The following SNX24 variants were observed in gnomAD, a reference collection of about 807,000 sequenced individuals.
The protein encoded by SNX24 is sorting nexin-24.
In SNX24, 22 loss-of-function variants were observed where a neutral mutation model predicts 28.7. That is an observed-to-expected ratio of 0.77 (90% CI 0.55 to 1.10). SNX24 has a LOEUF of 1.10. Among genes scored for constraint, SNX24 ranks in the 50% least tolerant of loss-of-function variants. The pLI is 0.00. For missense variants in SNX24, 221 were observed against 201.1 expected (o/e 1.10, Z -0.60); for synonymous variants, 69 against 71.5 (o/e 0.96, Z 0.18).
intron 3 of SNX24, among the ~76,000 whole-genome samples, chr5:122,991,363 A>AC (rs1761841632): frequency 6.6e-6 from 1 of 152,184 alleles, no homozygotes; most frequent in Non-Finnish European, 1.5e-5. Flanking sequence ...AAGTAATTGT[A>AC]CCCAGTTATT....
chr5:122,904,753 A>G (rs1244422073), intron 1 of SNX24, among the ~76,000 whole-genome samples: 1 of 152,204 alleles, frequency 6.6e-6, no homozygotes, highest in Non-Finnish European at 1.5e-5. Context: ...CATGTCAACT[A>G]AGAAAGCTAA....
chr5:122,905,064 A>G (rs1481097884), intron 1 of SNX24, among the ~76,000 whole-genome samples: 1 of 152,226 alleles, frequency 6.6e-6, no homozygotes, highest in Non-Finnish European at 1.5e-5. Context: ...TAATGTCCTC[A>G]GTGAAAGTAT....
At chr5:122,861,288 C>T (rs940759371) in intron 1 of SNX24, among the ~76,000 whole-genome samples, 1 of 152,078 alleles carries the variant, frequency 6.6e-6, no homozygotes, top group African/African-American at 2.4e-5. Context: ...GGCAGTGAGC[C>T]GAGATCCTGC....
intron 1 of SNX24, among the ~76,000 whole-genome samples, chr5:122,911,947 A>G (rs1156579708): frequency 1.4e-5 from 2 of 145,982 alleles, no homozygotes; most frequent in South Asian, 4.5e-4. Context: ...TGACTTGGCG[A>G]TGCGGGCTCT....
chr5:122,945,488 T>G (rs2150124837), intron 2 of SNX24, among the ~76,000 whole-genome samples: 1 of 152,374 alleles, frequency 6.6e-6, no homozygotes, highest in South Asian at 2.1e-4. Flanking sequence ...AAGGCTTAGC[T>G]GAGAACTATC....
At chr5:122,853,532 AGAG>A (rs1283399977) in intron 1 of SNX24, 2 of 252,936 alleles carry the variant, frequency 7.9e-6, no homozygotes, top group South Asian at 4.0e-5. Flanking sequence ...AATAGGCACA[AGAG>A]GATTGAATTT....
downstream of SNX24, chr5:123,009,266 C>T: frequency 2.4e-6 from 2 of 833,014 alleles, no homozygotes; most frequent in Non-Finnish European, 2.9e-6. Flanking sequence ...TGTCTGTTTA[C>T]ACACACACAC....
chr5:122,870,053 G>A (rs1300546307), intron 1 of SNX24, among the ~76,000 whole-genome samples: 3 of 152,172 alleles, frequency 2.0e-5, no homozygotes, highest in African/African-American at 7.2e-5. Context: ...TTTGGAGAAT[G>A]TCTTCACCCT....
At chr5:122,925,780 C>T (rs1758668917) in intron 1 of SNX24, among the ~76,000 whole-genome samples, 1 of 152,186 alleles carries the variant, frequency 6.6e-6, no homozygotes, top group Admixed American at 6.5e-5. Context: ...AATTTGTTGT[C>T]CAGCTGTCAA....
chr5:123,010,991 G>C (rs922101275), downstream of SNX24, among the ~76,000 whole-genome samples: 1 of 151,434 alleles, frequency 6.6e-6, no homozygotes. Context: ...TTTACTTTTC[G>C]ATTTCACTAG....
chr5:122,914,443 A>G (rs1175854506), intron 1 of SNX24, among the ~76,000 whole-genome samples: 5 of 151,392 alleles, frequency 3.3e-5, no homozygotes, highest in Non-Finnish European at 5.9e-5. Flanking sequence ...CTCTTTTTCT[A>G]TTGATTGGAA....
Position 122,889,673 on chromosome 5 carries a change from A to ATG in SNX24, c.60+43984_60+43985dup, listed in dbSNP as rs565532075. ...TATGTATATATATGTGTATATATAT[A>ATG]TGTGTATATATATGTATATGTATGT... On this transcript the variant is annotated intron_variant, in intron 1 of 6. Coordinates refer to ENST00000261369, the MANE Select transcript of SNX24 (RefSeq NM_014035.4). Among the ~76,000 whole-genome samples the ATG allele has an allele frequency of 8.6e-3, 1,261 of 146,788 alleles. 18 individuals carry two copies. Among genetic ancestry groups the ATG allele is most frequent in the African/African-American group, 0.029 (1,153 of 40,152 alleles).
intron 1 of SNX24, among the ~76,000 whole-genome samples, chr5:122,934,697 C>A (rs886577897): frequency 6.6e-6 from 1 of 152,148 alleles, no homozygotes; most frequent in Non-Finnish European, 1.5e-5. Context: ...TTCACTTTGT[C>A]ATGAAAATCC....
chr5:122,961,269 A>G (rs1030398025), intron 3 of SNX24, among the ~76,000 whole-genome samples: 4 of 152,212 alleles, frequency 2.6e-5, no homozygotes, highest in African/African-American at 9.6e-5. Context: ...TTTTAGATTA[A>G]GAAGTGATTT....
At chr5:122,971,780 T>G (rs1361148502) in intron 3 of SNX24, among the ~76,000 whole-genome samples, 1 of 152,228 alleles carries the variant, frequency 6.6e-6, no homozygotes, top group African/African-American at 2.4e-5. Context: ...TTCATGCAAC[T>G]GGTCATGTGA....
chr5:122,943,375 C>T (rs1366736884), intron 2 of SNX24, among the ~76,000 whole-genome samples: 1 of 152,134 alleles, frequency 6.6e-6, no homozygotes, highest in Non-Finnish European at 1.5e-5. Flanking sequence ...TCCCCACTGC[C>T]CTTCTCTCTG....
At chr5:122,869,082 G>T (rs979535571) in intron 1 of SNX24, among the ~76,000 whole-genome samples, 5 of 152,194 alleles carry the variant, frequency 3.3e-5, no homozygotes, top group African/African-American at 1.2e-4. Flanking sequence ...TTTTTAAAAT[G>T]TGAATATAGT....
At chr5:122,884,157 G>C (rs1201315373) in intron 1 of SNX24, among the ~76,000 whole-genome samples, 1 of 151,034 alleles carries the variant, frequency 6.6e-6, no homozygotes. Flanking sequence ...TTTTCCTTTG[G>C]TTCCTGTAGG....
At chr5:122,925,289 G>C (rs1041911870) in intron 1 of SNX24, among the ~76,000 whole-genome samples, 4 of 135,594 alleles carry the variant, frequency 2.9e-5, no homozygotes, top group African/African-American at 1.1e-4. Context: ...TTCCTTCTGA[G>C]TGAACTGGCA....
Sources: gnomAD v4.1 joint callset for allele counts (sites outside exome capture counted in the v4.1 genomes callset) on GRCh38, gnomAD v4.1.1 for gene constraint, MANE v1.5 for transcripts, NCBI Gene and HGNC (gene_info 2026-07-23, HGNC 2026-07-21) for gene names.